PPP1R12A: variants seen among roughly 807,000 people sequenced by gnomAD.
PPP1R12A encodes myosin binding subunit.
Under a neutral mutation model 139.6 loss-of-function variants are expected in PPP1R12A, and 19 were observed. That is an observed-to-expected ratio of 0.14 (90% CI 0.09 to 0.20). PPP1R12A has a LOEUF of 0.20. PPP1R12A is among the 10% of genes least tolerant of loss of function. PPP1R12A has a pLI of 1.00. For synonymous variants in PPP1R12A, 427 were observed against 420.6 expected, an observed-to-expected ratio of 1.02 and a Z score of -0.19; for missense variants, 925 against 1,211.5, an observed-to-expected ratio of 0.76 and a Z score of 3.51.
At chr12:79,933,095 G>C (rs370949918) in intron 1 of PPP1R12A, among the ~76,000 whole-genome samples, 4,912 of 152,168 alleles carry the variant, frequency 0.032, 112 homozygotes, top group Middle Eastern at 0.068. Flanking sequence ...AAAATTTTAC[G>C]AGTTATGATA....
chr12:79,846,873 A>G (rs966527616), intron 2 of PPP1R12A, among the ~76,000 whole-genome samples: 2 of 152,132 alleles, frequency 1.3e-5, no homozygotes, highest in South Asian at 4.2e-4. Flanking sequence ...GGCACCAACA[A>G]TATAGAACTA....
chr12:79,855,402 C>CT (rs2137256431), intron 2 of PPP1R12A, among the ~76,000 whole-genome samples: 1 of 152,160 alleles, frequency 6.6e-6, no homozygotes, highest in African/African-American at 2.4e-5. Context: ...AAGAAAATTT[C>CT]ATGTCTTTGT....
At chr12:79,899,402 G>T (rs1482391942) in intron 1 of PPP1R12A, among the ~76,000 whole-genome samples, 1 of 151,826 alleles carries the variant, frequency 6.6e-6, no homozygotes, top group Admixed American at 6.6e-5. Context: ...CTCCCATTCA[G>T]AGTCAACTAC....
Position 79,828,248 on chromosome 12 carries a change from A to G in PPP1R12A, c.792+72T>C, listed in dbSNP as rs1877028090. The G allele has an allele frequency of 3.8e-6, 5 of 1,313,798 alleles. No individual in the cohort carries two copies. In the Admixed American group the frequency reaches 8.8e-5, roughly 23 times the overall value. The allele number at this position is 1,313,798 out of a possible 1,614,324, so 81.4% of individuals were successfully genotyped here. ...GTAATCCTTATAACCTTTTGAGACTATATTTCTAAATATACTTTCTAAAAC... is the reference window on the plus strand; with the variant it reads ...GTAATCCTTATAACCTTTTGAGACTGTATTTCTAAATATACTTTCTAAAAC... On this transcript the variant is annotated intron_variant, in intron 5 of 24. Transcript: ENST00000450142.
At chr12:79,787,110 T>C (rs1871224244) in intron 21 of PPP1R12A, 1 of 152,194 alleles carries the variant, frequency 6.6e-6, no homozygotes, top group Non-Finnish European at 1.5e-5. Flanking sequence ...AATTCCCTGA[T>C]CACCCTCTAA....
In PPP1R12A at chr12:79,887,159, A is replaced by G. The variant is rs1884180334; in HGVS notation, c.238-14221T>C. Reference sequence around the variant, plus strand: ...TTGTGCACAATGCCTAGCATACAGCAAATACATAATACATATGTAGTGAAC... The same window carrying G: ...TTGTGCACAATGCCTAGCATACAGCGAATACATAATACATATGTAGTGAAC... On this transcript the variant is annotated intron_variant, in intron 1 of 24. Coordinates refer to ENST00000450142, the MANE Select transcript of PPP1R12A (RefSeq NM_002480.3). Among the ~76,000 whole-genome samples the G allele has an allele frequency of 2.6e-5, 4 of 152,216 alleles. No individual in the cohort carries two copies. The South Asian group carries it at 8.3e-4, about 31-fold the overall frequency.
At chr12:79,829,202 C>T (rs1209360227) in intron 4 of PPP1R12A, among the ~76,000 whole-genome samples, 1 of 152,106 alleles carries the variant, frequency 6.6e-6, no homozygotes, top group Non-Finnish European at 1.5e-5. Context: ...AGCTCACAGA[C>T]AGCAAGGATG....
chr12:79,906,980 G>C (rs1886181605), intron 1 of PPP1R12A, among the ~76,000 whole-genome samples: 3 of 152,052 alleles, frequency 2.0e-5, no homozygotes, highest in Admixed American at 2.0e-4. Context: ...CTATTGTACT[G>C]ATTCTACATA....
chr12:79,921,435 A>G (rs1887429872), intron 1 of PPP1R12A, among the ~76,000 whole-genome samples: 2 of 152,246 alleles, frequency 1.3e-5, no homozygotes. Flanking sequence ...CATTCAGAAG[A>G]CAAACCAGTA....
intron 23 of PPP1R12A, chr12:79,780,197 C>G (rs1452237677): frequency 1.3e-5 from 2 of 151,238 alleles, no homozygotes; most frequent in East Asian, 3.9e-4. Context: ...GAGCAATATT[C>G]TGTCTCTTTA....
rs544170546 is a variant in PPP1R12A at position 79,882,934 on chromosome 12, T to C, written c.238-9996A>G. Among the ~76,000 whole-genome samples, 9 of 152,148 alleles carry C rather than the reference T, an allele frequency of 5.9e-5. No homozygotes were observed. In the South Asian group the frequency reaches 1.5e-3, roughly 25 times the overall value. Reference sequence around the variant, plus strand: ...CGGGAGGATCATGAGGTCAGGAGTATGGGACCAGCCTGACCAACATGGTGA... The same window carrying C: ...CGGGAGGATCATGAGGTCAGGAGTACGGGACCAGCCTGACCAACATGGTGA... On this transcript the variant is annotated intron_variant, in intron 1 of 24. Coordinates refer to ENST00000450142, the MANE Select transcript of PPP1R12A (RefSeq NM_002480.3).
intron 3 of PPP1R12A, among the ~76,000 whole-genome samples, chr12:79,834,332 C>G (rs1471212161): frequency 6.6e-6 from 1 of 152,156 alleles, no homozygotes; most frequent in Non-Finnish European, 1.5e-5. Context: ...TTTAGAAGGA[C>G]AGGGTCTCTA....
At chr12:79,855,369 A>C (rs1202520578) in intron 2 of PPP1R12A, among the ~76,000 whole-genome samples, 2 of 152,028 alleles carry the variant, frequency 1.3e-5, no homozygotes, top group African/African-American at 4.8e-5. Flanking sequence ...TTTTCACCCT[A>C]AGAGGTCTGA....
chr12:79,899,231 AAAATAT>A (rs1412333390), intron 1 of PPP1R12A, among the ~76,000 whole-genome samples: 3 of 122,708 alleles, frequency 2.4e-5, no homozygotes, highest in East Asian at 5.2e-4. Context: ...AGAGATCTTA[AAAATAT>A]ATATATATAT....
At chr12:79,886,861 A>C (rs1015258609) in intron 1 of PPP1R12A, among the ~76,000 whole-genome samples, 1 of 152,194 alleles carries the variant, frequency 6.6e-6, no homozygotes, top group East Asian at 1.9e-4. Context: ...TTCTTGTTAC[A>C]TAGCTCTGTT....
chr12:79,880,619 G>A (rs1159300353), intron 1 of PPP1R12A, among the ~76,000 whole-genome samples: 1 of 152,178 alleles, frequency 6.6e-6, no homozygotes, highest in Non-Finnish European at 1.5e-5. Context: ...ATTTCAAGAT[G>A]ATGCTTGAAA....
rs1422535432 is a variant in PPP1R12A, at chr12:79,774,296, C to T, written c.*1633G>A. The T allele has an allele frequency of 6.6e-6, 1 of 152,348 alleles. No individual in the cohort carries two copies. The highest frequency in any genetic ancestry group is 6.6e-5 in the Admixed American group (1 of 15,258). The allele number at this position is 152,348 out of a possible 1,614,324, so 9.4% of individuals were successfully genotyped here. A position where few individuals can be genotyped will look rare whatever the true frequency, so the allele number is the denominator to read the frequency against. The stretch of plus-strand genomic sequence containing the variant: ...GCATAACCTTATATCTTCATAAAAC[C>T]AATCGAGAGAGAGAGGACTTAAAAT... On this transcript the variant is annotated 3_prime_UTR_variant, in exon 25 of 25. Coordinates refer to ENST00000450142, the MANE Select transcript of PPP1R12A (RefSeq NM_002480.3).
At chr12:79,820,434 T>A (rs1404867499) in intron 8 of PPP1R12A, among the ~76,000 whole-genome samples, 2 of 152,156 alleles carry the variant, frequency 1.3e-5, no homozygotes, top group African/African-American at 4.8e-5. Flanking sequence ...GGGACCGGCA[T>A]CCTGGACGTT....
intron 1 of PPP1R12A, among the ~76,000 whole-genome samples, chr12:79,892,651 GAAGT>G (rs1467657228): frequency 6.6e-6 from 1 of 152,086 alleles, no homozygotes; most frequent in Non-Finnish European, 1.5e-5. Flanking sequence ...GTCAAAAGGG[GAAGT>G]AATAGGGCAG....
Sources: gnomAD v4.1 joint callset for allele counts (sites outside exome capture counted in the v4.1 genomes callset) on GRCh38, gnomAD v4.1.1 for gene constraint, MANE v1.5 for transcripts, NCBI Gene and HGNC (gene_info 2026-07-23, HGNC 2026-07-21) for gene names.